ZBTB20: variants seen among roughly 807,000 people sequenced by gnomAD.
ZBTB20 encodes the protein zinc finger and BTB domain containing 20, also known as zinc finger and BTB domain-containing protein 20.
A neutral mutation model predicts 56.9 loss-of-function variants in ZBTB20; 9 were observed. The ratio of observed to expected loss-of-function variants is 0.16; its 90% CI spans 0.10 to 0.28. ZBTB20 has a LOEUF of 0.28. Ranked by LOEUF, ZBTB20 falls within the 10% of genes least tolerant of loss-of-function variation. The probability of loss-of-function intolerance (pLI) is 1.00; values close to 1 mark genes in which losing one functional copy is unlikely to be tolerated. For synonymous variants in ZBTB20, 417 were observed against 420.7 expected (o/e 0.99, Z 0.11); for missense variants, 655 against 1,003.0 (o/e 0.65, Z 4.69).
intron 4 of ZBTB20, among the ~76,000 whole-genome samples, chr3:114,860,114 C>T (rs2075449255): frequency 1.3e-5 from 2 of 152,228 alleles, no homozygotes. Flanking sequence ...CAAGACCATC[C>T]TGGCCAACAG....
intron 7 of ZBTB20, among the ~76,000 whole-genome samples, chr3:114,439,448 GA>G (rs1237907013): frequency 1.3e-5 from 2 of 152,238 alleles, no homozygotes; most frequent in South Asian, 2.1e-4. Context: ...ATGCTAAGTT[GA>G]AGCGATGACT....
At chr3:114,999,530 T>C (rs1180379666) in intron 2 of ZBTB20, among the ~76,000 whole-genome samples, 1 of 151,740 alleles carries the variant, frequency 6.6e-6, no homozygotes, top group Non-Finnish European at 1.5e-5. Flanking sequence ...CGAAAAGTTC[T>C]TTATTCTTAG....
chr3:115,134,226 G>C (rs532671565), intron 1 of ZBTB20, among the ~76,000 whole-genome samples: 1 of 152,150 alleles, frequency 6.6e-6, no homozygotes, highest in Admixed American at 6.5e-5. Context: ...TTGCTTTCTA[G>C]GTGATTTCCT....
intron 6 of ZBTB20, among the ~76,000 whole-genome samples, chr3:114,537,689 A>T (rs1009318305): frequency 6.6e-6 from 1 of 152,234 alleles, no homozygotes; most frequent in African/African-American, 2.4e-5. Flanking sequence ...ATGCACATGT[A>T]TGTTTATTGC....
intron 3 of ZBTB20, among the ~76,000 whole-genome samples, chr3:114,956,047 C>A (rs985579415): frequency 3.3e-5 from 5 of 152,102 alleles, no homozygotes; most frequent in Non-Finnish European, 2.9e-5. Flanking sequence ...TAAATATGTT[C>A]TACTACTGAA....
At chr3:114,590,489 T>A (rs12637673) in intron 6 of ZBTB20, among the ~76,000 whole-genome samples, 2 of 144,466 alleles carry the variant, frequency 1.4e-5, no homozygotes, top group Non-Finnish European at 3.0e-5. Flanking sequence ...TAAATTTATT[T>A]ATTAATTTAT....
At position 115,008,832 on chromosome 3, in the gene ZBTB20, T is replaced by C. The variant is rs1310554151; in HGVS notation, c.-506-34416A>G. Among the ~76,000 whole-genome samples, 3 of 152,048 alleles carry C rather than the reference T, an allele frequency of 2.0e-5. No individual in the cohort carries two copies. In the East Asian group the frequency reaches 5.9e-4, roughly 30 times the overall value. On this transcript the variant is annotated intron_variant, in intron 2 of 11. Coordinates refer to ENST00000675478, the MANE Select transcript of ZBTB20 (RefSeq NM_001348800.3). ...GTATATCTGTAATACAAATTTCTGC[T>C]AGTAGAATGTACCTACATTTTAAAA...
chr3:114,953,084 G>A (rs1406775806), intron 3 of ZBTB20, among the ~76,000 whole-genome samples: 1 of 151,874 alleles, frequency 6.6e-6, no homozygotes, highest in Non-Finnish European at 1.5e-5. Context: ...TGCAAAACTG[G>A]GAGAGTAAAA....
chr3:114,787,366 TATACAC>T (rs1553821500), intron 5 of ZBTB20, among the ~76,000 whole-genome samples: 1 of 82,900 alleles, frequency 1.2e-5, no homozygotes, highest in African/African-American at 5.3e-5. Context: ...TATATATATA[TATACAC>T]ACACACACAC....
rs556234989 is a variant in ZBTB20 at position 114,730,462 on chromosome 3, A to G, written c.-342-36887T>C. On this transcript the variant is annotated intron_variant, in intron 5 of 11. Coordinates refer to ENST00000675478, the MANE Select transcript of ZBTB20 (RefSeq NM_001348800.3). The stretch of plus-strand genomic sequence containing the variant: ...GTGTCCCCTAAAATACATAGGGTGA[A>G]GCCCTAAGCTCCTACCAACTGTATT... Among the ~76,000 whole-genome samples the G allele has an allele frequency of 3.3e-5, 5 of 152,310 alleles. No individual in the cohort carries two copies. The South Asian group carries it at 8.3e-4, about 25-fold the overall frequency.
chr3:114,994,361 T>C (rs572097720), intron 2 of ZBTB20, among the ~76,000 whole-genome samples: 2 of 151,922 alleles, frequency 1.3e-5, no homozygotes, highest in Non-Finnish European at 2.9e-5. Flanking sequence ...GCCAAGCCTT[T>C]AAGGAATGGA....
intron 4 of ZBTB20, among the ~76,000 whole-genome samples, chr3:114,852,392 T>C (rs2075046177): frequency 6.6e-6 from 1 of 151,724 alleles, no homozygotes; most frequent in Admixed American, 6.6e-5. Flanking sequence ...GTCTACCGAG[T>C]GGCTGGGATT....
intron 6 of ZBTB20, among the ~76,000 whole-genome samples, chr3:114,503,552 A>C (rs1326865901): frequency 6.6e-6 from 1 of 152,232 alleles, no homozygotes; most frequent in Non-Finnish European, 1.5e-5. Context: ...ATATGTCTAT[A>C]AGTTGTTTTT....
intron 11 of ZBTB20, among the ~76,000 whole-genome samples, chr3:114,349,154 C>T (rs1484970500): frequency 6.8e-6 from 1 of 146,010 alleles, no homozygotes. Context: ...GAGCCGAGAT[C>T]ATGCTACTGC....
At chr3:114,444,793 G>T (rs1292560446) in intron 7 of ZBTB20, among the ~76,000 whole-genome samples, 1 of 151,818 alleles carries the variant, frequency 6.6e-6, no homozygotes, top group East Asian at 1.9e-4. Context: ...TAAAATTCCT[G>T]GTTCACAGAA....
chr3:114,753,302 ATATATAATGTATATATGTATACC>A, intron 5 of ZBTB20, among the ~76,000 whole-genome samples: 1 of 144,348 alleles, frequency 6.9e-6, no homozygotes, highest in Non-Finnish European at 1.5e-5. Flanking sequence ...GTATACCTGT[ATATATAATGTATATATGTATACC>A]TGTATATATA....
rs1040582235 is a variant in ZBTB20, at chr3:114,915,734, C to T, written c.-455-15392G>A. On this transcript the variant is annotated intron_variant, in intron 3 of 11. Transcript: ENST00000675478. ...GTAGGCACTTGTCACTACAAATTTC[C>T]CTCTTAGTTTTGATATGTTCTGTTT... Among the ~76,000 whole-genome samples, 4 of 151,726 alleles carry T rather than the reference C, an allele frequency of 2.6e-5. No individual in the cohort carries two copies. In the East Asian group the frequency reaches 7.7e-4, roughly 29 times the overall value.
intron 2 of ZBTB20, among the ~76,000 whole-genome samples, chr3:115,007,900 T>C (rs1436616148): frequency 6.6e-6 from 1 of 151,886 alleles, no homozygotes; most frequent in Admixed American, 6.6e-5. Flanking sequence ...AAAAACACTG[T>C]CCTCTCACTG....
chr3:115,110,482 ATCT>A (rs1361727763), intron 1 of ZBTB20, among the ~76,000 whole-genome samples: 2 of 152,348 alleles, frequency 1.3e-5, no homozygotes, highest in East Asian at 3.9e-4. Context: ...TAAAATATCT[ATCT>A]TCTTCATTTG....
Sources: allele counts gnomAD v4.1 joint callset (sites outside exome capture counted in the v4.1 genomes callset), GRCh38; gene constraint gnomAD v4.1.1; transcripts MANE v1.5; gene names NCBI Gene and HGNC (gene_info 2026-07-23, HGNC 2026-07-21).